PCNT: variants seen among roughly 807,000 people sequenced by gnomAD.
PCNT encodes pericentrin.
Under a neutral mutation model 380.4 loss-of-function variants are expected in PCNT, and 319 were observed. That is an observed-to-expected ratio of 0.84 (90% CI 0.77 to 0.92). The LOEUF is 0.92. Among genes scored for constraint, PCNT ranks in the 40% least tolerant of loss-of-function variants. PCNT has a pLI of 0.00. For missense variants in PCNT, 4,400 were observed against 4,255.3 expected (o/e 1.03, Z -0.95); for synonymous variants, 1,845 against 1,735.2 (o/e 1.06, Z -1.57).
At position 46,388,160 on chromosome 21, in the gene PCNT, A is replaced by G. The variant is rs1004556037; in HGVS notation, c.3465-582A>G. 6.6e-6 allele frequency among the ~76,000 whole-genome samples: 1 copy of G among 151,968 alleles called. No individual in the cohort carries two copies. The highest frequency in any genetic ancestry group is 2.4e-5 in the African/African-American group (1 of 41,386). On this transcript the variant is annotated intron_variant, in intron 17 of 46. Coordinates refer to ENST00000359568, the MANE Select transcript of PCNT (RefSeq NM_006031.6). This position sits in a 1 kb window ranked among gnomAD's most constrained non-coding sequence, Gnocchi z 4.2. Reference sequence around the variant, plus strand: ...GGGAGGTGGAGCTTGCAGTGAGCCAAGATCGTGCCACTGCACTCCAGCCTG... The same window carrying G: ...GGGAGGTGGAGCTTGCAGTGAGCCAGGATCGTGCCACTGCACTCCAGCCTG...
intron 15 of PCNT, among the ~76,000 whole-genome samples, chr21:46,367,483 T>A (rs1363307506): frequency 6.6e-6 from 1 of 152,088 alleles, no homozygotes; most frequent in African/African-American, 2.4e-5. Context: ...AATTTTTGTA[T>A]TTTTAGTAGA....
At chr21:46,330,817 C>G (rs958158284) in intron 2 of PCNT, among the ~76,000 whole-genome samples, 1 of 152,208 alleles carries the variant, frequency 6.6e-6, no homozygotes, top group African/African-American at 2.4e-5. Context: ...GAATAATGTC[C>G]CAGGCCAGGG....
rs766153366 is a variant in PCNT at position 46,416,738 on chromosome 21, C to T, written c.6820C>T (p.Pro2274Ser). ...CACCTCGCTGCCACAGACCCAGGGGCCGGGGCTGCTTTGTTCCCCAGGCGT... is the reference window on the plus strand; with the variant it reads ...CACCTCGCTGCCACAGACCCAGGGGTCGGGGCTGCTTTGTTCCCCAGGCGT... ...ADTSLPQTQG[P>S]GLLCSPGVSA... The change falls in exon 30 of 47, where the codon CCG (proline) becomes TCG (serine). Residue 2274 changes from proline (P) to serine (S), a missense_variant. By Grantham distance (74) the Pro-to-Ser change is moderately conservative. Transcript: ENST00000359568. 6.3e-7 allele frequency: 1 copy of T among 1,596,486 alleles called. No individual in the cohort carries two copies. Among genetic ancestry groups the T allele is most frequent in the East Asian group, 2.2e-5 (1 of 44,638 alleles).
rs765864456 is a variant in PCNT, at chr21:46,416,362, C to T, written c.6444C>T (p.Asp2148=). The T allele has an allele frequency of 1.6e-5, 26 of 1,613,960 alleles. No homozygotes were observed. The highest frequency in any genetic ancestry group is 1.5e-4 in the Admixed American group (9 of 59,998). The change falls in exon 30 of 47, where the codon GAC becomes GAT. Residue 2148 remains aspartate, a synonymous_variant. Coordinates refer to ENST00000359568, the MANE Select transcript of PCNT (RefSeq NM_006031.6). The stretch of plus-strand genomic sequence containing the variant: ...ATGTTATCAAAAATCAGGCCATAGA[C>T]GCGTGTGATGCCAATACAACCCCAG... ...VTDVIKNQAI[D]ACDANTTPGG... is the part of the protein sequence containing the mutation.
Position 46,363,306 on chromosome 21 carries a change from C to T in PCNT, c.2155-174C>T, listed in dbSNP as rs376158005. 1.3e-3 allele frequency among the ~76,000 whole-genome samples: 205 copies of T among 152,326 alleles called. 11 individuals carry two copies. The South Asian group carries it at 0.041, about 30-fold the overall frequency. ...TTTTATTTAGTTTTAGACTTGTCCACTTTAGGTTTCTTCCATTGTCATCAA... is the reference window on the plus strand; with the variant it reads ...TTTTATTTAGTTTTAGACTTGTCCATTTTAGGTTTCTTCCATTGTCATCAA... On this transcript the variant is annotated intron_variant, in intron 13 of 46. Transcript: ENST00000359568.
In PCNT at chr21:46,412,012, G is replaced by T; in HGVS notation, c.5939G>T (p.Gly1980Val). 6.2e-7 allele frequency: 1 copy of T among 1,607,468 alleles called. No individual in the cohort carries two copies. The highest frequency in any genetic ancestry group is 1.1e-5 in the South Asian group (1 of 91,016). The change falls in exon 28 of 47, where the codon GGC becomes GTC. Residue 1980 changes from glycine (G) to valine (V), a missense_variant. Transcript: ENST00000359568. Reference protein sequence around the residue: ...MDGGAKAQVTGDVEASHDAAL... With the variant: ...MDGGAKAQVTVDVEASHDAAL... ...GGTGGCGCCAAGGCCCAGGTCACCGGCGACGTGGAGGCCTCCCATGATGCT... is the reference window on the plus strand; with the variant it reads ...GGTGGCGCCAAGGCCCAGGTCACCGTCGACGTGGAGGCCTCCCATGATGCT...
chr21:46,412,367 A>G (rs531493528), intron 28 of PCNT, among the ~76,000 whole-genome samples: 1 of 152,324 alleles, frequency 6.6e-6, no homozygotes, highest in Non-Finnish European at 1.5e-5. Flanking sequence ...GGAGCTCACT[A>G]TGTGAGGAGG....
chr21:46,394,244 C>T (rs1366146704), intron 21 of PCNT, among the ~76,000 whole-genome samples: 1 of 152,256 alleles, frequency 6.6e-6, no homozygotes, highest in African/African-American at 2.4e-5. Context: ...GTGACGCCCC[C>T]TTCGCTGTGT....
In PCNT at chr21:46,430,044, G is replaced by A; in HGVS notation, c.7725G>A (p.Lys2575=). ...ELLAYKVEQE[K]CIAGDLQKTL... ...TGGCTTATAAAGTAGAGCAGGAGAA[G>A]TGCATTGCTGGTGACTTGCAGAAGA... The change falls in exon 36 of 47, where the codon AAG becomes AAA. Residue 2575 remains lysine (K), a synonymous_variant. Coordinates refer to ENST00000359568, the MANE Select transcript of PCNT (RefSeq NM_006031.6). The A allele has an allele frequency of 1.2e-6, 2 of 1,614,232 alleles. No individual in the cohort carries two copies. The highest frequency in any genetic ancestry group is 2.7e-5 in the African/African-American group (2 of 75,064).
chr21:46,385,040 G>C (rs1174595257), intron 16 of PCNT, among the ~76,000 whole-genome samples: 1 of 152,148 alleles, frequency 6.6e-6, no homozygotes, highest in Non-Finnish European at 1.5e-5. Context: ...ACTGAACTCT[G>C]TCCCCATTAG....
chr21:46,324,677 C>T (rs2083303264), intron 1 of PCNT, among the ~76,000 whole-genome samples: 1 of 151,818 alleles, frequency 6.6e-6, no homozygotes, highest in Non-Finnish European at 1.5e-5. Context: ...GCGGCAGGCG[C>T]TGGACCCCAG....
chr21:46,414,819 C>T (rs2086954402), intron 29 of PCNT, among the ~76,000 whole-genome samples: 2 of 150,140 alleles, frequency 1.3e-5, no homozygotes, highest in Non-Finnish European at 3.0e-5. Flanking sequence ...TGCAGCCGCC[C>T]ACCCTGCTCC....
chr21:46,422,274 G>A, intron 32 of PCNT, 150 bp downstream of exon 32: 1 of 1,068,606 alleles, frequency 9.4e-7, no homozygotes, highest in Non-Finnish European at 1.4e-6. Flanking sequence ...ACTCACGGGA[G>A]GCAGCCCCAC....
intron 31 of PCNT, among the ~76,000 whole-genome samples, chr21:46,419,076 A>G (rs1178360389): frequency 6.6e-6 from 1 of 151,776 alleles, no homozygotes; most frequent in Non-Finnish European, 1.5e-5. Flanking sequence ...TTTTCATTTC[A>G]TAACTTTTTC....
At chr21:46,436,470 GCCCCCCCCCCC>G (rs1158167144) in intron 39 of PCNT, among the ~76,000 whole-genome samples, 1 of 4,748 alleles carries the variant, frequency 2.1e-4, no homozygotes, top group Non-Finnish European at 5.6e-4. Context: ...GCCTCCTGTG[GCCCCCCCCCCC>G]CCCCCCCGCT....
intron 27 of PCNT, among the ~76,000 whole-genome samples, chr21:46,405,226 C>G (rs915003079): frequency 6.6e-6 from 1 of 152,146 alleles, no homozygotes; most frequent in South Asian, 2.1e-4. Context: ...GAACAGGACC[C>G]TGCCTAAAAA....
At chr21:46,415,414 G>A (rs1452637058) in intron 29 of PCNT, among the ~76,000 whole-genome samples, 2 of 113,848 alleles carry the variant, frequency 1.8e-5, no homozygotes, top group East Asian at 2.7e-4. Flanking sequence ...GTCTCGCTCT[G>A]TCGCCCAGGC....
intron 20 of PCNT, 121 bp downstream of exon 20, chr21:46,390,953 CAT>C (rs1031474425): frequency 7.8e-7 from 1 of 1,284,836 alleles, no homozygotes; most frequent in Non-Finnish European, 1.1e-6. Flanking sequence ...ACAAAGCCAA[CAT>C]GGGAGGCACC....
chr21:46,432,313 C>T lies in PCNT; in HGVS notation c.8751+98C>T, dbSNP rs7283044. ...GGGGACGCGAGATTTATGTCTGGCC[C>T]TCTGACCTGGTCTGCTCTGGTCTGT... On this transcript the variant is annotated intron_variant, in intron 38 of 46. Coordinates refer to ENST00000359568, the MANE Select transcript of PCNT (RefSeq NM_006031.6). The T allele has an allele frequency of 0.093, 111,163 of 1,197,266 alleles. 9,863 individuals carry two copies. The highest frequency in any genetic ancestry group is 0.44 in the African/African-American group (29,044 of 66,390). The allele number at this position is 1,197,266 out of a possible 1,614,324, so 74.2% of individuals were successfully genotyped here. A position where few individuals can be genotyped will look rare whatever the true frequency, so the allele number is the denominator to read the frequency against.
Sources: allele counts gnomAD v4.1 joint callset (sites outside exome capture counted in the v4.1 genomes callset), GRCh38; gene constraint gnomAD v4.1.1; non-coding constraint Gnocchi (gnomAD v3.1); transcripts MANE v1.5; gene names NCBI Gene and HGNC (gene_info 2026-07-23, HGNC 2026-07-21).